OAS1: variants seen among roughly 807,000 people sequenced by gnomAD.
The protein encoded by OAS1 is 2'-5'-oligoadenylate synthetase 1.
A neutral mutation model predicts 38.5 loss-of-function variants in OAS1; 24 were observed. The ratio of observed to expected loss-of-function variants is 0.62; its 90% CI spans 0.45 to 0.88. OAS1 has a LOEUF of 0.88. OAS1 is among the 40% of genes least tolerant of loss of function. The pLI is 0.00. For missense variants in OAS1, 482 were observed against 493.9 expected (o/e 0.98, Z 0.23); for synonymous variants, 169 against 193.9 (o/e 0.87, Z 1.07).
rs756215459 is a variant in OAS1, at chr12:112,917,764, T to C, written c.1038+64T>C. ...CCCTCTCCATGAAGCTTGAGACATA[T>C]AGCTGGAGACCATTCTTTCCAAAGA... On this transcript the variant is annotated intron_variant, in intron 5 of 5. Coordinates refer to ENST00000202917, the MANE Select transcript of OAS1 (RefSeq NM_016816.4). The C allele has an allele frequency of 9.9e-6, 16 of 1,614,020 alleles. No homozygotes were observed. The highest frequency in any genetic ancestry group is 1.3e-5 in the African/African-American group (1 of 74,918).
intron 4 of OAS1, among the ~76,000 whole-genome samples, chr12:112,917,238 T>G (rs2043473534): frequency 6.6e-6 from 1 of 152,234 alleles, no homozygotes; most frequent in South Asian, 2.1e-4. Context: ...TATGTGGAAC[T>G]ATTCCCATTT....
rs2043337062 is a variant in OAS1 at position 112,908,807 on chromosome 12, C to T, written c.452C>T (p.Pro151Leu). ...LGEGVEFDVL[P>L]AFDALGQLTG... is the part of the protein sequence containing the mutation. ...GAGGGGGTGGAGTTCGATGTGCTGC[C>T]TGCCTTTGATGCCCTGGGTGAGAGC... Residue 151 changes from proline (P) to leucine (L), a missense_variant, in exon 2 of 6, where the codon CCT becomes CTT. By Grantham distance (98) the Pro-to-Leu change is moderately conservative (BLOSUM62 -3). Transcript: ENST00000202917. 1.3e-6 allele frequency: 2 copies of T among 1,597,168 alleles called. No homozygotes were observed. Among genetic ancestry groups the T allele is most frequent in the Admixed American group, 1.7e-5 (1 of 58,928 alleles).
Position 112,919,487 on chromosome 12 carries a change from A to G in OAS1, c.1137A>G (p.Arg379=), listed in dbSNP as rs1194339642. 1 of 1,614,144 alleles carries G rather than the reference A, an allele frequency of 6.2e-7. No homozygotes were observed. The highest frequency in any genetic ancestry group is 8.5e-7 in the Non-Finnish European group (1 of 1,180,030). Residue 379 remains arginine, a synonymous_variant, in exon 6 of 6, where the codon AGA becomes AGG. Transcript: ENST00000202917. ...GTHEYPHFSH[R]PSTLQAASTP... ...ATGAGTACCCTCATTTCTCTCATAGACCCAGCACACTCCAGGCAGCATCCA... is the reference window on the plus strand; with the variant it reads ...ATGAGTACCCTCATTTCTCTCATAGGCCCAGCACACTCCAGGCAGCATCCA...
chr12:112,928,055 T>C (rs1005114775), intron 6 of OAS1, among the ~76,000 whole-genome samples: 10 of 152,180 alleles, frequency 6.6e-5, no homozygotes, highest in Admixed American at 6.5e-5. Context: ...GATCACTGCA[T>C]AAAGTGACGT....
rs780688765 is a variant in OAS1, at chr12:112,907,029, C to T, written c.-11C>T. The T allele has an allele frequency of 6.2e-7, 1 of 1,614,006 alleles. No individual in the cohort carries two copies. The highest frequency in any genetic ancestry group is 1.1e-5 in the South Asian group (1 of 91,080). On this transcript the variant is annotated 5_prime_UTR_variant, in exon 1 of 6. Coordinates refer to ENST00000202917, the MANE Select transcript of OAS1 (RefSeq NM_016816.4). ...TGGGAGGCAGTTCTGTTGCCACTCT[C>T]TCTCCTGTCAATGATGGATCTCAGA...
At chr12:112,917,270 T>G (rs910454905) in intron 4 of OAS1, among the ~76,000 whole-genome samples, 3 of 152,164 alleles carry the variant, frequency 2.0e-5, no homozygotes, top group African/African-American at 7.2e-5. Flanking sequence ...ATCCTGAGGC[T>G]TAGAGAGTTC....
Position 112,917,626 on chromosome 12 carries a change from G to A in OAS1, c.964G>A (p.Glu322Lys). 1.2e-6 allele frequency: 2 copies of A among 1,614,224 alleles called. No individual in the cohort carries two copies. Among genetic ancestry groups the A allele is most frequent in the Non-Finnish European group, 1.7e-6 (2 of 1,180,048 alleles). The change falls in exon 5 of 6, where the codon GAG becomes AAG. Residue 322 changes from glutamate (E) to lysine (K), a missense_variant. Transcript: ENST00000202917. Reference protein sequence around the residue: ...DPKGWRQLAQEAEAWLNYPCF... With the variant: ...DPKGWRQLAQKAEAWLNYPCF... ...AAAGGGTTGGAGGCAGCTGGCACAA[G>A]AGGCTGAGGCCTGGCTGAATTACCC...
At chr12:112,925,970 C>A (rs1830012139) in intron 6 of OAS1, among the ~76,000 whole-genome samples, 1 of 152,138 alleles carries the variant, frequency 6.6e-6, no homozygotes, top group Non-Finnish European at 1.5e-5. Flanking sequence ...AAGGTCTGCC[C>A]TGGGCCATGT....
chr12:112,919,317 C>A, intron 5 of OAS1, 72 bp from the exon 6 acceptor site: 2 of 1,378,936 alleles, frequency 1.5e-6, no homozygotes, highest in South Asian at 1.3e-5. Flanking sequence ...CAGTGTCTAC[C>A]GTAAATGCTC....
At position 112,919,788 on chromosome 12, in the gene OAS1, G is replaced by A. The variant is rs2043516763; in HGVS notation, c.*235G>A. The A allele has an allele frequency of 4.9e-6, 7 of 1,414,200 alleles. No homozygotes were observed. The highest frequency in any genetic ancestry group is 4.3e-5 in the African/African-American group (3 of 69,122). 87.6% of individuals were successfully genotyped at this position (1,414,200 alleles called of 1,614,324 possible). On this transcript the variant is annotated 3_prime_UTR_variant, in exon 6 of 6. Transcript: ENST00000202917. ...TTCTCTGAAAATATTCCCTGAGAGA[G>A]AACAGAGAGATTTAGATAAGAGAAT...
chr12:112,925,243 T>A (rs1183704430), intron 6 of OAS1, among the ~76,000 whole-genome samples: 1 of 152,128 alleles, frequency 6.6e-6, no homozygotes, highest in African/African-American at 2.4e-5. Context: ...GGGTGAATTT[T>A]GGTGTACTGC....
rs1475009497 is a variant in OAS1 at position 112,919,381 on chromosome 12, C to G, written c.1039-8C>G. On this transcript the variant is annotated splice_polypyrimidine_tract_variant and splice_region_variant and intron_variant, in intron 5 of 5. Coordinates refer to ENST00000202917, the MANE Select transcript of OAS1 (RefSeq NM_016816.4). Reference sequence around the variant, plus strand: ...TCCCTGATGTGATCATGTGTCTCACCCTTTCAGGCTGAAAGCAACAGTGCA... The same window carrying G: ...TCCCTGATGTGATCATGTGTCTCACGCTTTCAGGCTGAAAGCAACAGTGCA... The G allele has an allele frequency of 1.9e-6, 3 of 1,608,128 alleles. No homozygotes were observed. In the South Asian group the frequency reaches 3.3e-5, roughly 18 times the overall value.
In OAS1 at chr12:112,919,403, T is replaced by A; in HGVS notation, c.1053T>A (p.Ser351Arg). The change falls in exon 6 of 6, where the codon AGT becomes AGA. Residue 351 changes from serine to arginine, a missense_variant. Ser to Arg is a moderately radical substitution (Grantham distance 110). Transcript: ENST00000202917. ...CACCCTTTCAGGCTGAAAGCAACAGTGCAGACGATGAGACCGACGATCCCA... is the reference window on the plus strand; with the variant it reads ...CACCCTTTCAGGCTGAAAGCAACAGAGCAGACGATGAGACCGACGATCCCA... ...SSWILLAESN[S>R]ADDETDDPRR... 6.2e-7 allele frequency: 1 copy of A among 1,613,402 alleles called. No homozygotes were observed. The highest frequency in any genetic ancestry group is 8.5e-7 in the Non-Finnish European group (1 of 1,179,456).
intron 5 of OAS1, 87 bp downstream of exon 5, chr12:112,917,787 A>C (rs1162005062): frequency 6.2e-7 from 1 of 1,613,674 alleles, no homozygotes; most frequent in Non-Finnish European, 8.5e-7. Context: ...TTCTTTCCAA[A>C]GAACTTACCT....
chr12:112,909,558 C>T (rs1373069720), intron 2 of OAS1, among the ~76,000 whole-genome samples: 4 of 152,120 alleles, frequency 2.6e-5, no homozygotes, highest in African/African-American at 7.2e-5. Context: ...TTATTCAGGA[C>T]GCTGAGACTG....
chr12:112,930,102 C>T (rs533905597), intron 6 of OAS1, among the ~76,000 whole-genome samples: 1 of 152,114 alleles, frequency 6.6e-6, no homozygotes, highest in South Asian at 2.1e-4. Context: ...TCTCATGAGA[C>T]CTGGTTGTTT....
intron 2 of OAS1, among the ~76,000 whole-genome samples, chr12:112,909,671 A>AACAATCAG (rs1384480548): frequency 6.6e-6 from 1 of 152,190 alleles, no homozygotes; most frequent in African/African-American, 2.4e-5. Flanking sequence ...CCCTGTCTCA[A>AACAATCAG]TCAATCAGTC....
chr12:112,922,686 A>G (rs1206344901), downstream of OAS1, among the ~76,000 whole-genome samples: 1 of 151,596 alleles, frequency 6.6e-6, no homozygotes, highest in Non-Finnish European at 1.5e-5. Flanking sequence ...GTCCCCTGGG[A>G]CTCTATTTCC....
At position 112,911,030 on chromosome 12, in the gene OAS1, T is replaced by C. The variant is rs566549288; in HGVS notation, c.470-21T>C. On this transcript the variant is annotated intron_variant, in intron 2 of 5. Coordinates refer to ENST00000202917, the MANE Select transcript of OAS1 (RefSeq NM_016816.4). The stretch of plus-strand genomic sequence containing the variant: ...ATTCAGAGAAGAGCTGACACCTAAG[T>C]TGTAGATTTTGCCCGAACAGGTCAG... 2.5e-6 allele frequency: 4 copies of C among 1,607,304 alleles called. No homozygotes were observed. In the East Asian group the frequency reaches 6.7e-5, roughly 27 times the overall value.
Sources: gnomAD v4.1 joint callset for allele counts (sites outside exome capture counted in the v4.1 genomes callset) on GRCh38, gnomAD v4.1.1 for gene constraint, MANE v1.5 for transcripts, NCBI Gene and HGNC (gene_info 2026-07-23, HGNC 2026-07-21) for gene names.